Variants in PLXDC2 observed in about 807,000 individuals in gnomAD.
PLXDC2 encodes the protein plexin domain containing 2.
In PLXDC2, 40 loss-of-function variants were observed where a neutral mutation model predicts 68.9. The observed-to-expected ratio is 0.58, with a 90% CI of 0.45 to 0.76. The LOEUF (loss-of-function observed/expected upper bound fraction) is 0.76, where lower values mean the gene tolerates loss of function less well. Ranked by LOEUF, PLXDC2 falls within the 30% of genes least tolerant of loss-of-function variation. The pLI is 0.00. For synonymous variants in PLXDC2, 243 were observed against 234.2 expected (o/e 1.04, Z -0.34); for missense variants, 644 against 661.9 (o/e 0.97, Z 0.30).
intron 1 of PLXDC2, among the ~76,000 whole-genome samples, chr10:19,954,463 T>C (rs1834037195): frequency 6.6e-6 from 1 of 152,194 alleles, no homozygotes; most frequent in East Asian, 1.9e-4. Flanking sequence ...ATGGAGTAAT[T>C]TATTATTTGC....
chr10:19,878,347 T>C (rs985393140), intron 1 of PLXDC2, among the ~76,000 whole-genome samples: 1 of 152,140 alleles, frequency 6.6e-6, no homozygotes, highest in African/African-American at 2.4e-5. Flanking sequence ...ACTACAACCA[T>C]GTACCAGTAT....
chr10:19,928,748 AC>A (rs1833580259), intron 1 of PLXDC2, among the ~76,000 whole-genome samples: 1 of 120,030 alleles, frequency 8.3e-6, no homozygotes, highest in Admixed American at 8.4e-5. Flanking sequence ...GGAAGATAGG[AC>A]TTTTTTTTTT....
At chr10:19,975,349 T>C (rs1003529013) in intron 1 of PLXDC2, among the ~76,000 whole-genome samples, 1 of 151,948 alleles carries the variant, frequency 6.6e-6, no homozygotes, top group Admixed American at 6.6e-5. Flanking sequence ...TCCCAGCTAC[T>C]CGGGAGGCCG....
At chr10:20,198,261 A>G (rs11011858) in intron 9 of PLXDC2, among the ~76,000 whole-genome samples, 44,149 of 151,990 alleles carry the variant, frequency 0.29, 7,205 homozygotes, top group East Asian at 0.5. Context: ...TAGAAAGGCA[A>G]TGCAAAATGT....
intron 1 of PLXDC2, among the ~76,000 whole-genome samples, chr10:19,896,036 C>A (rs1246448140): frequency 6.6e-6 from 1 of 152,188 alleles, no homozygotes; most frequent in Non-Finnish European, 1.5e-5. Context: ...GCTGACCCTG[C>A]AGTCTTTCAC....
At chr10:20,276,920 G>A (rs1836013874) in intron 13 of PLXDC2, among the ~76,000 whole-genome samples, 1 of 152,208 alleles carries the variant, frequency 6.6e-6, no homozygotes, top group African/African-American at 2.4e-5. Flanking sequence ...ACTTTTCTAT[G>A]CTAACTAAAT....
intron 4 of PLXDC2, among the ~76,000 whole-genome samples, chr10:20,129,708 TC>T (rs1833842220): frequency 6.6e-6 from 1 of 152,104 alleles, no homozygotes; most frequent in Non-Finnish European, 1.5e-5. Context: ...GAAATAATGC[TC>T]CAATTTTATT....
At chr10:19,903,565 C>A (rs2131369055) in intron 1 of PLXDC2, among the ~76,000 whole-genome samples, 1 of 151,766 alleles carries the variant, frequency 6.6e-6, no homozygotes, top group East Asian at 1.9e-4. Context: ...GATTTTTTTT[C>A]TTTTGCTGGT....
intron 1 of PLXDC2, among the ~76,000 whole-genome samples, chr10:19,921,885 C>T (rs1425108805): frequency 2.0e-5 from 3 of 151,804 alleles, no homozygotes; most frequent in South Asian, 2.1e-4. Flanking sequence ...TTTGAGACAG[C>T]GTCTCACTCT....
At chr10:19,941,370 A>T in intron 1 of PLXDC2, among the ~76,000 whole-genome samples, 1 of 152,158 alleles carries the variant, frequency 6.6e-6, no homozygotes, top group East Asian at 1.9e-4. Context: ...GTGTCATATG[A>T]CTGTCCTTTC....
chr10:20,154,624 C>T (rs7896864), intron 6 of PLXDC2, among the ~76,000 whole-genome samples: 92,625 of 151,148 alleles, frequency 0.61, 28,753 homozygotes, highest in Middle Eastern at 0.71. Context: ...TCTTTACAGG[C>T]CTTGATGCTG....
Position 19,939,903 on chromosome 10 carries a change from T to C in PLXDC2, c.113-61872T>C, listed in dbSNP as rs1024255913. Among the ~76,000 whole-genome samples the C allele has an allele frequency of 6.6e-5, 10 of 151,958 alleles. 1 individual carries two copies. The highest frequency in any genetic ancestry group is 9.7e-5 in the African/African-American group (4 of 41,226). ...AGAGAATTCTAATTTTCCACCTATA[T>C]AGCTTATAAAATCTGAAAGTTGTTT... On this transcript the variant is annotated intron_variant, in intron 1 of 13. Coordinates refer to ENST00000377252, the MANE Select transcript of PLXDC2 (RefSeq NM_032812.9).
In PLXDC2 at chr10:20,034,523, A is replaced by G. The variant is rs1835547932; in HGVS notation, c.325-12346A>G. Among the ~76,000 whole-genome samples, 5 of 152,206 alleles carry G rather than the reference A, an allele frequency of 3.3e-5. No individual in the cohort carries two copies. The South Asian group carries it at 1.0e-3, about 31-fold the overall frequency. On this transcript the variant is annotated intron_variant, in intron 2 of 13. Coordinates refer to ENST00000377252, the MANE Select transcript of PLXDC2 (RefSeq NM_032812.9). ...ATTCAGTAAAAAGGGAGTTTTCAGA[A>G]TATCATTTATTTGTAAAATTATTTT...
chr10:20,075,270 C>A (rs1262043606), intron 4 of PLXDC2, among the ~76,000 whole-genome samples: 1 of 152,156 alleles, frequency 6.6e-6, no homozygotes, highest in Admixed American at 6.6e-5. Context: ...CTCACTGCAG[C>A]CTTGACCTCC....
chr10:20,183,621 G>A (rs1303267662), intron 9 of PLXDC2, among the ~76,000 whole-genome samples: 1 of 151,932 alleles, frequency 6.6e-6, no homozygotes, highest in East Asian at 1.9e-4. Context: ...GCTCTTCTAA[G>A]GAGTAGAAAC....
chr10:19,996,100 T>TG (rs1834839408), intron 1 of PLXDC2, among the ~76,000 whole-genome samples: 1 of 152,068 alleles, frequency 6.6e-6, no homozygotes, highest in Non-Finnish European at 1.5e-5. Context: ...AAGGTGTCTC[T>TG]GGTAGCAAGT....
At chr10:20,181,500 C>T (rs1385066663) in intron 9 of PLXDC2, among the ~76,000 whole-genome samples, 3 of 151,956 alleles carry the variant, frequency 2.0e-5, no homozygotes, top group Non-Finnish European at 2.9e-5. Flanking sequence ...GTTCTTGACT[C>T]GGCGGCCAGG....
chr10:19,997,679 T>C (rs1834864620), intron 1 of PLXDC2, among the ~76,000 whole-genome samples: 1 of 152,198 alleles, frequency 6.6e-6, no homozygotes, highest in Non-Finnish European at 1.5e-5. Flanking sequence ...TTTGCTTTTA[T>C]ATTATATTAG....
chr10:19,894,951 C>T (rs188965595), intron 1 of PLXDC2, among the ~76,000 whole-genome samples: 89 of 152,278 alleles, frequency 5.8e-4, no homozygotes, highest in African/African-American at 2.0e-3. Context: ...GATTATAAAT[C>T]GTTCTACTAT....
Sources: gnomAD v4.1 joint callset for allele counts (sites outside exome capture counted in the v4.1 genomes callset) on GRCh38, gnomAD v4.1.1 for gene constraint, MANE v1.5 for transcripts, NCBI Gene and HGNC (gene_info 2026-07-23, HGNC 2026-07-21) for gene names.